The following DCAF1 variants were observed in gnomAD, a reference collection of about 807,000 sequenced individuals.
DCAF1 encodes the protein DDB1 and CUL4 associated factor 1.
In DCAF1, 15 loss-of-function variants were observed where a neutral mutation model predicts 128.0. That is an observed-to-expected ratio of 0.12 (90% CI 0.08 to 0.18). The LOEUF (loss-of-function observed/expected upper bound fraction) is 0.18, where lower values mean the gene tolerates loss of function less well. Ranked by LOEUF, DCAF1 falls within the 10% of genes least tolerant of loss-of-function variation. The pLI is 1.00. For synonymous variants in DCAF1, 610 were observed against 603.0 expected (o/e 1.01, Z -0.17); for missense variants, 988 against 1,649.5 (o/e 0.60, Z 6.95).
At chr3:51,484,623 T>C (rs1385160796) in intron 2 of DCAF1, among the ~76,000 whole-genome samples, 1 of 151,938 alleles carries the variant, frequency 6.6e-6, no homozygotes, top group Admixed American at 6.6e-5. Context: ...TGCTCGTTAG[T>C]CCTTTGAGGG....
intron 3 of DCAF1, among the ~76,000 whole-genome samples, chr3:51,475,060 G>A (rs1553649913): frequency 6.6e-6 from 1 of 151,840 alleles, no homozygotes; most frequent in Non-Finnish European, 1.5e-5. Context: ...TGGGATTACA[G>A]GCGTGAGACA....
At chr3:51,477,441 C>G (rs1455670127) in intron 3 of DCAF1, among the ~76,000 whole-genome samples, 1 of 150,460 alleles carries the variant, frequency 6.6e-6, no homozygotes, top group African/African-American at 2.4e-5. Flanking sequence ...CCTGGGCAAC[C>G]TGGCAAAATC....
At chr3:51,474,082 T>G (rs1398046164) in intron 3 of DCAF1, among the ~76,000 whole-genome samples, 2 of 151,966 alleles carry the variant, frequency 1.3e-5, no homozygotes, top group African/African-American at 4.8e-5. Context: ...GTGCTGGGAT[T>G]ACAGGTGTGA....
intron 23 of DCAF1, among the ~76,000 whole-genome samples, chr3:51,408,669 A>G (rs1490870392): frequency 2.0e-5 from 3 of 152,214 alleles, no homozygotes; most frequent in Admixed American, 6.5e-5. Context: ...AAGATTCTAG[A>G]AGGAGCATGG....
chr3:51,448,777 A>C (rs553366478), intron 6 of DCAF1, among the ~76,000 whole-genome samples: 15 of 152,330 alleles, frequency 9.8e-5, no homozygotes, highest in African/African-American at 3.1e-4. Context: ...AACCAGACAG[A>C]AGATCAATAA....
intron 24 of DCAF1, among the ~76,000 whole-genome samples, chr3:51,402,494 T>G (rs1302540604): frequency 6.6e-6 from 1 of 151,854 alleles, no homozygotes; most frequent in Non-Finnish European, 1.5e-5. Context: ...ATTTACGGAT[T>G]GTCTATGACT....
chr3:51,402,566 ATTT>A (rs540396047), intron 24 of DCAF1, among the ~76,000 whole-genome samples: 4 of 84,984 alleles, frequency 4.7e-5, no homozygotes, highest in South Asian at 5.1e-4. Flanking sequence ...CCTACAAAGC[ATTT>A]TTTTTTTTTT....
intron 10 of DCAF1, among the ~76,000 whole-genome samples, chr3:51,432,506 T>C (rs1250237922): frequency 1.3e-5 from 2 of 151,758 alleles, no homozygotes; most frequent in Admixed American, 6.6e-5. Context: ...TAGCCCAGGC[T>C]GGAATGCAAT....
intron 2 of DCAF1, among the ~76,000 whole-genome samples, chr3:51,495,302 C>T (rs945628009): frequency 1.3e-5 from 2 of 150,704 alleles, no homozygotes; most frequent in East Asian, 2.0e-4. Flanking sequence ...CCAGCCTGGG[C>T]GACAAGAGCA....
intron 3 of DCAF1, among the ~76,000 whole-genome samples, chr3:51,481,796 G>A (rs1431667529): frequency 5.3e-5 from 8 of 152,120 alleles, no homozygotes; most frequent in Admixed American, 3.9e-4. Flanking sequence ...TTCGAGAACA[G>A]CCTGGCCAAC....
intron 23 of DCAF1, among the ~76,000 whole-genome samples, chr3:51,405,252 A>C (rs1421217938): frequency 5.3e-5 from 8 of 152,234 alleles, no homozygotes. Context: ...GGCTAGCCAG[A>C]AAATTCATGA....
intron 3 of DCAF1, among the ~76,000 whole-genome samples, chr3:51,480,340 T>C (rs1706021812): frequency 6.6e-6 from 1 of 152,060 alleles, no homozygotes. Context: ...CTCATGCTTG[T>C]AATCCCAGCA....
chr3:51,407,715 C>T lies in DCAF1; in HGVS notation c.4213-4320G>A, dbSNP rs983194445. ...AAAAACACAGGCACCAGGTTGGGCG[C>T]GGTGGCTCATGCCTATAATCCCAGC... On this transcript the variant is annotated intron_variant, in intron 23 of 24. Coordinates refer to ENST00000684031, the MANE Select transcript of DCAF1 (RefSeq NM_001387579.1). 3.3e-5 allele frequency among the ~76,000 whole-genome samples: 5 copies of T among 152,058 alleles called. 1 individual carries two copies. Among genetic ancestry groups the T allele is most frequent in the Admixed American group, 1.3e-4 (2 of 15,270 alleles).
rs781867774 is a variant in DCAF1 at position 51,483,681 on chromosome 3, T to C, written c.110+38A>G. 5 of 1,469,998 alleles carry C rather than the reference T, an allele frequency of 3.4e-6. No individual in the cohort carries two copies. The Admixed American group carries it at 8.4e-5, about 25-fold the overall frequency. 91.1% of individuals were successfully genotyped at this position (1,469,998 alleles called of 1,614,324 possible). On this transcript the variant is annotated intron_variant, in intron 3 of 24. Transcript: ENST00000684031. ...TCTAGCGTATGAGTTGTGTCCGAGG[T>C]TTTTTATTAAACTAGGTTTTAAAAA...
intron 9 of DCAF1, among the ~76,000 whole-genome samples, chr3:51,434,238 C>CA (rs1158514638): frequency 1.3e-5 from 2 of 152,198 alleles, no homozygotes; most frequent in African/African-American, 4.8e-5. Flanking sequence ...CCCATCTCCA[C>CA]AAAAAATTTA....
chr3:51,426,541 TTC>T (rs1273555201), intron 13 of DCAF1, among the ~76,000 whole-genome samples: 2 of 152,206 alleles, frequency 1.3e-5, no homozygotes, highest in Non-Finnish European at 2.9e-5. Context: ...TTTTTACATT[TTC>T]TGTTTTAATT....
chr3:51,464,120 A>T (rs527439213), intron 5 of DCAF1, among the ~76,000 whole-genome samples: 6 of 152,066 alleles, frequency 3.9e-5, no homozygotes, highest in Admixed American at 1.3e-4. Context: ...CTCCCAAAGT[A>T]CTGGGATTAC....
chr3:51,443,832 T>C lies in DCAF1; in HGVS notation c.447A>G (p.Gly149=), dbSNP rs781878104. 6.2e-7 allele frequency: 1 copy of C among 1,612,668 alleles called. No individual in the cohort carries two copies. The highest frequency in any genetic ancestry group is 2.2e-5 in the East Asian group (1 of 44,828). Residue 149 remains glycine (G), a synonymous_variant, in exon 7 of 25, where the codon GGA becomes GGG. Coordinates refer to ENST00000684031, the MANE Select transcript of DCAF1 (RefSeq NM_001387579.1). ...ADQPLRTYST[G]LLGGAMENQD... is the part of the protein sequence containing the mutation. Reference sequence around the variant, plus strand: ...GATTTTCCATAGCACCTCCTAACAGTCCAGTAGAATATGTCCTCAATGGTT... The same window carrying C: ...GATTTTCCATAGCACCTCCTAACAGCCCAGTAGAATATGTCCTCAATGGTT...
intron 6 of DCAF1, among the ~76,000 whole-genome samples, chr3:51,458,140 C>T (rs1659579960): frequency 6.6e-6 from 1 of 152,072 alleles, no homozygotes; most frequent in Non-Finnish European, 1.5e-5. Flanking sequence ...AGAGTCAAGA[C>T]CCATCAGTGT....
Sources: gnomAD v4.1 joint callset for allele counts (sites outside exome capture counted in the v4.1 genomes callset) on GRCh38, gnomAD v4.1.1 for gene constraint, MANE v1.5 for transcripts, NCBI Gene and HGNC (gene_info 2026-07-23, HGNC 2026-07-21) for gene names.